The following NELL2 variants were observed in gnomAD, a reference collection of about 807,000 sequenced individuals.
The protein encoded by NELL2 is neural EGFL like 2.
In NELL2, 41 loss-of-function variants were observed where a neutral mutation model predicts 109.6. The observed-to-expected ratio is 0.37, with a 90% CI of 0.29 to 0.49. The LOEUF is 0.49. Ranked by LOEUF, NELL2 falls within the 20% of genes least tolerant of loss-of-function variation. The pLI, the probability that NELL2 is intolerant of heterozygous loss-of-function variation, is 0.98. For missense variants in NELL2, 900 were observed against 1,008.3 expected, an observed-to-expected ratio of 0.89 and a Z score of 1.45; for synonymous variants, 355 against 344.7, an observed-to-expected ratio of 1.03 and a Z score of -0.33.
chr12:44,687,063 C>A (rs184695139), intron 12 of NELL2, among the ~76,000 whole-genome samples: 1 of 152,218 alleles, frequency 6.6e-6, no homozygotes, highest in Admixed American at 6.5e-5. Flanking sequence ...CGAGACTCCA[C>A]GGGCATAGGA....
intron 9 of NELL2, among the ~76,000 whole-genome samples, chr12:44,763,721 G>T (rs953352075): frequency 1.3e-5 from 2 of 152,032 alleles, no homozygotes; most frequent in Non-Finnish European, 2.9e-5. Flanking sequence ...AGAATCAAGT[G>T]GTACAGAGCA....
chr12:44,791,085 A>ATATATATATATATGTATATATATATATG lies in NELL2; in HGVS notation c.336-11064_336-11063insCATATATATATATACATATATATATATA, dbSNP rs1942377108. 5.9e-4 allele frequency among the ~76,000 whole-genome samples: 10 copies of ATATATATATATATGTATATATATATATG among 16,850 alleles called. 1 individual carries two copies. Among genetic ancestry groups the ATATATATATATATGTATATATATATATG allele is most frequent in the African/African-American group, 1.4e-3 (9 of 6,258 alleles). 11.1% of individuals were successfully genotyped at this position (16,850 alleles called of 152,430 possible). On this transcript the variant is annotated intron_variant, in intron 3 of 19. Transcript: ENST00000429094. ...TTCAAGTATATATATATATATACAT[A>ATATATATATATATGTATATATATATATG]TATATATATATGTATATATATATGT...
chr12:44,715,918 T>G (rs1938461434), intron 9 of NELL2, among the ~76,000 whole-genome samples: 1 of 152,142 alleles, frequency 6.6e-6, no homozygotes, highest in African/African-American at 2.4e-5. Flanking sequence ...AACTTGCCAA[T>G]AATAAAGAAG....
intron 15 of NELL2, among the ~76,000 whole-genome samples, chr12:44,540,781 C>CAAAAAAAAAAA (rs57205620): frequency 0.098 from 4,856 of 49,482 alleles, 1,452 homozygotes; most frequent in Non-Finnish European, 0.12. Flanking sequence ...GTCTGCAAGC[C>CAAAAAAAAAAA]AAAAAAAAAA....
intron 3 of NELL2, 118 bp downstream of exon 3, chr12:44,815,868 C>A: frequency 8.7e-7 from 1 of 1,144,516 alleles, no homozygotes; most frequent in Non-Finnish European, 1.2e-6. Flanking sequence ...TTGCCCACCT[C>A]GGCTTCCCAA....
chr12:44,776,187 C>T (rs1278638425), intron 7 of NELL2, 37 bp from the exon 8 acceptor site: 3 of 1,605,914 alleles, frequency 1.9e-6, no homozygotes, highest in East Asian at 2.2e-5. Flanking sequence ...ATTGTTCATC[C>T]TTCCAGCAAC....
At chr12:44,611,003 G>A (rs761343452) in intron 13 of NELL2, 33 bp from the exon 14 acceptor site, 2 of 1,604,310 alleles carry the variant, frequency 1.2e-6, no homozygotes, top group East Asian at 2.2e-5. Flanking sequence ...GTTACTCAAA[G>A]TTATATTTCC....
rs368067430 is a variant in NELL2, at chr12:44,551,210, C to T, written c.1664-18489G>A. 5.3e-5 allele frequency among the ~76,000 whole-genome samples: 8 copies of T among 152,108 alleles called. No individual in the cohort carries two copies. In the South Asian group the frequency reaches 1.7e-3, roughly 32 times the overall value. On this transcript the variant is annotated intron_variant, in intron 15 of 19. Transcript: ENST00000429094. ...TCAATGAAGTGGTTTAAAAATATTC[C>T]CCTAATTCAATACTATATCCTAAGT...
chr12:44,691,250 G>T (rs527838635), intron 12 of NELL2, among the ~76,000 whole-genome samples: 1 of 152,210 alleles, frequency 6.6e-6, no homozygotes, highest in South Asian at 2.1e-4. Context: ...ATGTCTCCAT[G>T]TCACGTTTTG....
At chr12:44,702,176 C>A (rs910277440) in intron 12 of NELL2, among the ~76,000 whole-genome samples, 6 of 152,146 alleles carry the variant, frequency 3.9e-5, no homozygotes, top group African/African-American at 1.2e-4. Context: ...CAGCCAATCT[C>A]TAACACATCA....
chr12:44,677,255 TAC>T (rs997762986), intron 12 of NELL2, among the ~76,000 whole-genome samples: 14 of 152,160 alleles, frequency 9.2e-5, no homozygotes, highest in African/African-American at 3.4e-4. Context: ...GTGGAGGTCT[TAC>T]ACACTATATG....
intron 13 of NELL2, among the ~76,000 whole-genome samples, chr12:44,631,980 T>C (rs934942106): frequency 1.3e-5 from 2 of 152,116 alleles, no homozygotes; most frequent in Non-Finnish European, 1.5e-5. Flanking sequence ...ACATCCTATC[T>C]AAGTGGAGTT....
chr12:44,657,098 T>C (rs1421282313), intron 13 of NELL2, among the ~76,000 whole-genome samples: 1 of 152,208 alleles, frequency 6.6e-6, no homozygotes, highest in African/African-American at 2.4e-5. Context: ...AGCAGCAAAT[T>C]CTTTTCTGTA....
chr12:44,774,955 A>C (rs1247265616), intron 8 of NELL2, 106 bp from the exon 9 acceptor site: 3 of 787,580 alleles, frequency 3.8e-6, no homozygotes. Context: ...TGAAGAGAAC[A>C]GAACAGGCCA....
chr12:44,860,345 A>T (rs1944802429), intron 2 of NELL2, among the ~76,000 whole-genome samples: 1 of 152,220 alleles, frequency 6.6e-6, no homozygotes, highest in Non-Finnish European at 1.5e-5. Context: ...TGTTCAAGAT[A>T]TATATTAGTT....
chr12:44,578,883 A>C (rs1944214515), intron 15 of NELL2, among the ~76,000 whole-genome samples: 1 of 152,212 alleles, frequency 6.6e-6, no homozygotes, highest in Non-Finnish European at 1.5e-5. Flanking sequence ...AAACAGAAAA[A>C]GCCTTCAAAA....
chr12:44,880,288 T>G (rs1043239779), upstream of NELL2, among the ~76,000 whole-genome samples: 3 of 151,960 alleles, frequency 2.0e-5, no homozygotes, highest in Non-Finnish European at 4.4e-5. Context: ...GACAGAATTG[T>G]ATGAGAAAAG....
chr12:44,867,675 G>T (rs1230821669), intron 2 of NELL2, among the ~76,000 whole-genome samples: 1 of 152,156 alleles, frequency 6.6e-6, no homozygotes, highest in African/African-American at 2.4e-5. Context: ...TGGGAAGGAA[G>T]AGGTTAACTT....
intron 9 of NELL2, among the ~76,000 whole-genome samples, chr12:44,760,734 C>G (rs891189516): frequency 2.0e-5 from 3 of 151,796 alleles, no homozygotes; most frequent in African/African-American, 7.3e-5. Context: ...ATCTCATGTA[C>G]ACAAAAAATA....
Sources: gnomAD v4.1 joint callset for allele counts (sites outside exome capture counted in the v4.1 genomes callset) on GRCh38, gnomAD v4.1.1 for gene constraint, MANE v1.5 for transcripts, NCBI Gene and HGNC (gene_info 2026-07-23, HGNC 2026-07-21) for gene names.